Variants in EP400 observed in about 807,000 individuals in gnomAD.
The protein encoded by EP400 is E1A-binding protein p400.
A neutral mutation model predicts 354.1 loss-of-function variants in EP400; 105 were observed. The observed-to-expected ratio is 0.30, with a 90% CI of 0.25 to 0.35. The LOEUF is 0.35. EP400 is among the 10% of genes least tolerant of loss of function. The pLI is 1.00. For synonymous variants in EP400, 1,646 were observed against 1,716.9 expected (o/e 0.96, Z 1.02); for missense variants, 3,280 against 4,121.0 (o/e 0.80, Z 5.59).
intron 12 of EP400, among the ~76,000 whole-genome samples, chr12:132,000,868 C>G (rs577097463): frequency 1.3e-5 from 2 of 152,220 alleles, no homozygotes; most frequent in African/African-American, 2.4e-5. Context: ...ATCTCTTGCT[C>G]TGTATTCAGA....
Position 132,050,723 on chromosome 12 carries a change from A to G in EP400, c.7394+68A>G. The stretch of plus-strand genomic sequence containing the variant: ...TTTCATTCCAGTGTCATCTAAGTTC[A>G]GTGAGTTCAGCAAATCGTTGTGCAC... On this transcript the variant is annotated intron_variant, in intron 41 of 52. Transcript: ENST00000389561. This position sits in a 1 kb window ranked among gnomAD's most constrained non-coding sequence, Gnocchi z 4.8. 2 of 1,589,032 alleles carry G rather than the reference A, an allele frequency of 1.3e-6. No homozygotes were observed. The highest frequency in any genetic ancestry group is 1.7e-6 in the Non-Finnish European group (2 of 1,157,914).
At chr12:131,970,332 T>C (rs372412497) in intron 2 of EP400, among the ~76,000 whole-genome samples, 7 of 152,282 alleles carry the variant, frequency 4.6e-5, no homozygotes, top group African/African-American at 1.7e-4. Flanking sequence ...AATCCGTTGA[T>C]GTAGAGCTGT....
rs557587475 is a variant in EP400 at position 131,952,677 on chromosome 12, C to T, written c.-36+2641C>T. On this transcript the variant is annotated intron_variant, in intron 1 of 52. Coordinates refer to ENST00000389561, the MANE Select transcript of EP400 (RefSeq NM_015409.5). ...GTGTTGCCCAGGCTTGTCTTGAATT[C>T]TTGGACTCAAGACATCCTCTGGTCT... is the stretch of plus-strand genomic sequence containing the variant. Among the ~76,000 whole-genome samples, 20 of 152,240 alleles carry T rather than the reference C, an allele frequency of 1.3e-4. No individual in the cohort carries two copies. In the South Asian group the frequency reaches 2.7e-3, roughly 21 times the overall value.
chr12:132,056,881 C>A lies in EP400; in HGVS notation c.7884+1673C>A, dbSNP rs540260075. Among the ~76,000 whole-genome samples the A allele has an allele frequency of 7.0e-4, 106 of 152,306 alleles. 1 individual carries two copies. The highest frequency in any genetic ancestry group is 2.3e-3 in the African/African-American group (97 of 41,560). On this transcript the variant is annotated intron_variant, in intron 45 of 52. Coordinates refer to ENST00000389561, the MANE Select transcript of EP400 (RefSeq NM_015409.5). ...AACTGTATAAAATGGGCAGAAGATGCAGCAGTCACTTCACCAAGAAGCTAG... is the reference window on the plus strand; with the variant it reads ...AACTGTATAAAATGGGCAGAAGATGAAGCAGTCACTTCACCAAGAAGCTAG...
intron 2 of EP400, among the ~76,000 whole-genome samples, chr12:131,962,662 C>A (rs539622733): frequency 6.6e-6 from 1 of 152,070 alleles, no homozygotes. Flanking sequence ...TTTTTGGGTG[C>A]CTGGAATGGC....
At chr12:132,021,955 T>A (rs1894136241) in intron 23 of EP400, among the ~76,000 whole-genome samples, 1 of 152,234 alleles carries the variant, frequency 6.6e-6, no homozygotes, top group Non-Finnish European at 1.5e-5. Context: ...TTATCCTGAC[T>A]TAAAGTATTA....
intron 39 of EP400, among the ~76,000 whole-genome samples, chr12:132,049,040 C>T (rs915652800): frequency 2.0e-5 from 3 of 152,196 alleles, no homozygotes; most frequent in African/African-American, 4.8e-5. Flanking sequence ...GGTGACTTGC[C>T]GAGCCCCCTA....
chr12:131,966,903 CAA>C (rs1179689543), intron 2 of EP400, among the ~76,000 whole-genome samples: 25 of 57,836 alleles, frequency 4.3e-4, no homozygotes, highest in African/African-American at 1.3e-3. Flanking sequence ...AGACTTGTCT[CAA>C]AAAAAAAAAA....
intron 19 of EP400, among the ~76,000 whole-genome samples, chr12:132,015,560 G>A (rs1054302345): frequency 5.3e-5 from 8 of 152,186 alleles, no homozygotes; most frequent in African/African-American, 1.9e-4. Flanking sequence ...CACACAATAT[G>A]GTGGTTTGCC....
Position 132,017,965 on chromosome 12 carries a change from T to C in EP400, c.4110+244T>C, listed in dbSNP as rs1894000118. Among the ~76,000 whole-genome samples, 1 of 152,218 alleles carries C rather than the reference T, an allele frequency of 6.6e-6. No individual in the cohort carries two copies. The highest frequency in any genetic ancestry group is 2.4e-5 in the African/African-American group (1 of 41,466). On this transcript the variant is annotated intron_variant, in intron 20 of 52. Coordinates refer to ENST00000389561, the MANE Select transcript of EP400 (RefSeq NM_015409.5). The surrounding 1 kb of genome is among the most constrained non-coding windows in gnomAD (Gnocchi z 5.0). ...GTGGAAAGATGCAGAGGGCAGGCTT[T>C]CTTGGCGTTGTGTGGATTGTGGGCT...
At chr12:132,043,616 C>G (rs752146933) in intron 33 of EP400, 29 bp from the exon 34 acceptor site, 2 of 1,590,872 alleles carry the variant, frequency 1.3e-6, no homozygotes, top group South Asian at 2.3e-5. Flanking sequence ...TGCTATTAAC[C>G]CTATTCAAAA....
chr12:132,040,136 C>A (rs1894848442), intron 32 of EP400, among the ~76,000 whole-genome samples: 1 of 152,138 alleles, frequency 6.6e-6, no homozygotes, highest in African/African-American at 2.4e-5. Flanking sequence ...CATCACTAAT[C>A]ATCAGGAAAA....
intron 30 of EP400, among the ~76,000 whole-genome samples, chr12:132,035,865 GAC>G (rs1439343144): frequency 4.6e-5 from 6 of 131,086 alleles, no homozygotes; most frequent in Admixed American, 1.6e-4. Flanking sequence ...ATTGTGGAAT[GAC>G]ACACCCAGGT....
intron 45 of EP400, 118 bp from the exon 46 acceptor site, chr12:132,061,992 G>A (rs776058491): frequency 1.1e-4 from 85 of 788,584 alleles, no homozygotes; most frequent in African/African-American, 6.3e-4. Context: ...GAACTCTAGC[G>A]TGTGTTTCAC....
chr12:132,009,777 C>T lies in EP400; in HGVS notation c.3305-1721C>T, dbSNP rs547484688. 2.0e-5 allele frequency among the ~76,000 whole-genome samples: 3 copies of T among 151,856 alleles called. No individual in the cohort carries two copies. The South Asian group carries it at 6.3e-4, about 32-fold the overall frequency. On this transcript the variant is annotated intron_variant, in intron 15 of 52. Transcript: ENST00000389561. ...TGGGCTCCAGTGATCAACCCTCCTGCCTCAGCTTCCCAAATAGCTGGGAAT... is the reference window on the plus strand; with the variant it reads ...TGGGCTCCAGTGATCAACCCTCCTGTCTCAGCTTCCCAAATAGCTGGGAAT...
chr12:132,017,614 C>T lies in EP400; in HGVS notation c.4003C>T (p.Pro1335Ser). 1.2e-6 allele frequency: 2 copies of T among 1,612,628 alleles called. No homozygotes were observed. The highest frequency in any genetic ancestry group is 1.7e-6 in the Non-Finnish European group (2 of 1,179,238). Residue 1335 changes from proline (P) to serine (S), a missense_variant, in exon 20 of 53, where the codon CCT becomes TCT. Around this residue, in one of 20 missense-constraint regions of EP400, gnomAD observed 242 missense variants for 357.9 expected, o/e 0.68. Coordinates refer to ENST00000389561, the MANE Select transcript of EP400 (RefSeq NM_015409.5). The surrounding 1 kb of genome is among the most constrained non-coding windows in gnomAD (Gnocchi z 5.0). Reference protein sequence around the residue: ...LVRLQRICNHPGLVEPRHPGS... With the variant: ...LVRLQRICNHSGLVEPRHPGS... ...GCGGCTGCAGCGCATCTGCAACCACCCTGGGCTCGTCGAGCCCCGGCACCC... is the reference window on the plus strand; with the variant it reads ...GCGGCTGCAGCGCATCTGCAACCACTCTGGGCTCGTCGAGCCCCGGCACCC...
Position 132,062,227 on chromosome 12 carries a change from C to G in EP400, c.8002C>G (p.Arg2668Gly). The G allele has an allele frequency of 6.2e-7, 1 of 1,614,204 alleles. No individual in the cohort carries two copies. The highest frequency in any genetic ancestry group is 8.5e-7 in the Non-Finnish European group (1 of 1,180,052). ...GTCCATGGCAACGACTCAGGGTGTT[C>G]GAGCGGTCACTTCTGTGACAGCCTC... ...LVSMATTQGV[R>G]AVTSVTASAV... The change falls in exon 46 of 53, where the codon CGA becomes GGA. Residue 2668 changes from arginine (R) to glycine (G), a missense_variant. Transcript: ENST00000389561.
chr12:132,076,783 A>C (rs753442516), intron 52 of EP400, among the ~76,000 whole-genome samples, 190 bp downstream of exon 52: 3 of 152,256 alleles, frequency 2.0e-5, no homozygotes, highest in Non-Finnish European at 4.4e-5. Flanking sequence ...TGTGTCAGCC[A>C]TACTGAGGGA....
rs1267668856 is a variant in EP400 at position 132,054,147 on chromosome 12, C to T, written c.7728+550C>T. 1.3e-5 allele frequency among the ~76,000 whole-genome samples: 2 copies of T among 152,212 alleles called. No individual in the cohort carries two copies. The highest frequency in any genetic ancestry group is 2.4e-5 in the African/African-American group (1 of 41,448). On this transcript the variant is annotated intron_variant, in intron 43 of 52. Transcript: ENST00000389561. This position sits in a 1 kb window ranked among gnomAD's most constrained non-coding sequence, Gnocchi z 4.0. ...GGTGTATCTCTGTACTGTGTGCGTC[C>T]GTGTGCCACACAGACGCTGAAATCA...
Sources: allele counts gnomAD v4.1 joint callset (sites outside exome capture counted in the v4.1 genomes callset), GRCh38; gene constraint gnomAD v4.1.1; regional missense constraint gnomAD v4.1.1; non-coding constraint Gnocchi (gnomAD v3.1); transcripts MANE v1.5; gene names NCBI Gene and HGNC (gene_info 2026-07-23, HGNC 2026-07-21).